Variants in WWOX observed in about 807,000 individuals in gnomAD.
The protein encoded by WWOX is WW domain containing oxidoreductase.
A neutral mutation model predicts 46.2 loss-of-function variants in WWOX; 69 were observed. The observed-to-expected ratio is 1.49, with a 90% confidence interval of 1.23 to 1.82. WWOX has a LOEUF of 1.82. Ranked by LOEUF, WWOX falls within the 40% of genes most tolerant of loss-of-function variation. The pLI is 0.00. For synonymous variants in WWOX, 359 were observed against 202.6 expected (o/e 1.77, Z -6.56); for missense variants, 919 against 542.6 (o/e 1.69, Z -6.89).
chr16:78,543,343 T>A (rs1056580403), intron 8 of WWOX, among the ~76,000 whole-genome samples: 3 of 152,206 alleles, frequency 2.0e-5, no homozygotes, highest in Non-Finnish European at 4.4e-5. Context: ...CCCTGTGGGC[T>A]TAGAAGAAAA....
intron 8 of WWOX, among the ~76,000 whole-genome samples, chr16:78,543,481 C>T (rs1056527073): frequency 6.6e-5 from 10 of 152,178 alleles, no homozygotes; most frequent in African/African-American, 2.4e-4. Flanking sequence ...AAGGGCATTG[C>T]TTGGTCATTG....
rs1018833960 is a variant in WWOX, at chr16:78,437,364, G to C, written c.1056+4612G>C. ...AGTAATTTTACAATTGGATGTTCTT[G>C]TGCAACTTTATTAAATGTGATCTGT... On this transcript the variant is annotated intron_variant, in intron 8 of 8. Transcript: ENST00000566780. 3.9e-5 allele frequency among the ~76,000 whole-genome samples: 6 copies of C among 152,164 alleles called. No individual in the cohort carries two copies. The East Asian group carries it at 1.2e-3, about 29-fold the overall frequency.
intron 5 of WWOX, among the ~76,000 whole-genome samples, chr16:78,285,447 T>TA (rs112659729): frequency 0.15 from 22,725 of 149,342 alleles, 2,588 homozygotes; most frequent in African/African-American, 0.31. Context: ...AAATAAAAAC[T>TA]AAAAAAAAAA....
chr16:78,541,399 G>A (rs929585397), intron 8 of WWOX, among the ~76,000 whole-genome samples: 3 of 135,062 alleles, frequency 2.2e-5, no homozygotes, highest in Non-Finnish European at 3.1e-5. Context: ...GCGTGAACCC[G>A]GGAGGCGGAG....
chr16:78,271,298 G>A (rs1002510903), intron 5 of WWOX, among the ~76,000 whole-genome samples: 4 of 152,124 alleles, frequency 2.6e-5, no homozygotes, highest in African/African-American at 2.4e-5. Context: ...GAATGAGTGC[G>A]TGTATCTTGT....
chr16:78,783,018 G>A (rs1450410810), intron 8 of WWOX, among the ~76,000 whole-genome samples: 1 of 152,162 alleles, frequency 6.6e-6, no homozygotes, highest in African/African-American at 2.4e-5. Flanking sequence ...ATCCTAGTGT[G>A]ATCTTTCTGA....
chr16:78,971,361 G>A (rs1001167467), intron 8 of WWOX, among the ~76,000 whole-genome samples: 2 of 150,544 alleles, frequency 1.3e-5, no homozygotes, highest in South Asian at 2.1e-4. Context: ...AGGCTGAGGC[G>A]GGAGAATCTG....
intron 8 of WWOX, among the ~76,000 whole-genome samples, chr16:78,436,394 T>A (rs1977024): frequency 1.3e-5 from 2 of 152,100 alleles, no homozygotes; most frequent in African/African-American, 4.8e-5. Context: ...TGTGGACTTT[T>A]CTTGTTTCTG....
At chr16:78,367,524 C>A (rs72796007) in intron 5 of WWOX, among the ~76,000 whole-genome samples, 8,083 of 152,090 alleles carry the variant, frequency 0.053, 284 homozygotes, top group East Asian at 0.12. Flanking sequence ...AGATTGGACA[C>A]CCTGGGAATA....
intron 7 of WWOX, among the ~76,000 whole-genome samples, chr16:78,425,962 C>T (rs9922829): frequency 0.04 from 6,087 of 152,064 alleles, 282 homozygotes; most frequent in African/African-American, 0.11. Flanking sequence ...AAAATGTAAC[C>T]CCTGGGACTT....
chr16:78,455,129 G>C (rs1567583440), intron 8 of WWOX, among the ~76,000 whole-genome samples: 1 of 152,164 alleles, frequency 6.6e-6, no homozygotes, highest in South Asian at 2.1e-4. Context: ...TTTCTGTCTT[G>C]AGGATAGATA....
At chr16:78,935,494 C>G (rs1363601275) in intron 8 of WWOX, among the ~76,000 whole-genome samples, 1 of 151,540 alleles carries the variant, frequency 6.6e-6, no homozygotes, top group Non-Finnish European at 1.5e-5. Flanking sequence ...TCTCAGCAAA[C>G]TATCACAAGG....
In WWOX at chr16:79,155,281, C is replaced by G. The variant is rs542937310; in HGVS notation, c.1057-56327C>G. On this transcript the variant is annotated intron_variant, in intron 8 of 8. Transcript: ENST00000566780. ...GTTCCAGCTACTCGGGAGGCCGAGG[C>G]AGGAGAATCACTTGAACCAGGGAGG... 2.0e-5 allele frequency among the ~76,000 whole-genome samples: 3 copies of G among 152,210 alleles called. No individual in the cohort carries two copies. The South Asian group carries it at 6.2e-4, about 32-fold the overall frequency.
intron 5 of WWOX, among the ~76,000 whole-genome samples, chr16:78,324,197 T>A (rs1480375343): frequency 6.6e-6 from 1 of 152,066 alleles, no homozygotes; most frequent in Non-Finnish European, 1.5e-5. Flanking sequence ...GAACTGAGGT[T>A]TTCTGTTGGC....
intron 8 of WWOX, among the ~76,000 whole-genome samples, chr16:78,874,037 G>A (rs754235149): frequency 5.9e-5 from 9 of 151,840 alleles, no homozygotes; most frequent in Admixed American, 1.3e-4. Context: ...CGGGGTGGGC[G>A]GATCACAAGG....
chr16:78,954,524 C>G (rs540628032), intron 8 of WWOX, among the ~76,000 whole-genome samples: 2 of 152,186 alleles, frequency 1.3e-5, no homozygotes, highest in African/African-American at 4.8e-5. Context: ...AATAAGGGAG[C>G]TGCCCAAATG....
At chr16:78,663,400 ATTATAC>A (rs1358975063) in intron 8 of WWOX, among the ~76,000 whole-genome samples, 3 of 152,172 alleles carry the variant, frequency 2.0e-5, no homozygotes, top group Admixed American at 1.3e-4. Context: ...CTATCAATAT[ATTATAC>A]TTTGTTTATC....
rs149693048 is a variant in WWOX at position 78,786,540 on chromosome 16, A to G, written c.1056+353788A>G. On this transcript the variant is annotated intron_variant, in intron 8 of 8. Transcript: ENST00000566780. ...AACCTTATATAATGTTTTTCTTTTAATTGTTTTATTGAGATGTATTTCATA... is the reference window on the plus strand; with the variant it reads ...AACCTTATATAATGTTTTTCTTTTAGTTGTTTTATTGAGATGTATTTCATA... Among the ~76,000 whole-genome samples the G allele has an allele frequency of 9.5e-3, 1,441 of 152,276 alleles. 12 individuals carry two copies. Among genetic ancestry groups the G allele is most frequent in the South Asian group, 0.015 (74 of 4,830 alleles).
chr16:78,503,548 G>T (rs1472581310), intron 8 of WWOX: 1 of 152,000 alleles, frequency 6.6e-6, no homozygotes, highest in Non-Finnish European at 1.5e-5. Context: ...CTCTCTAAAA[G>T]CATAATTGAT....
Sources: allele counts gnomAD v4.1 joint callset (sites outside exome capture counted in the v4.1 genomes callset), GRCh38; gene constraint gnomAD v4.1.1; transcripts MANE v1.5; gene names NCBI Gene and HGNC (gene_info 2026-07-23, HGNC 2026-07-21).